SAMD5: variants seen among roughly 807,000 people sequenced by gnomAD.
SAMD5 encodes sterile alpha motif domain-containing protein 5.
A neutral mutation model predicts 11.3 loss-of-function variants in SAMD5; 13 were observed. The observed-to-expected ratio is 1.15, with a 90% confidence interval of 0.75 to 1.83. The LOEUF is 1.83. SAMD5 is among the 40% of genes most tolerant of loss of function. The pLI is 0.00. For synonymous variants in SAMD5, 129 were observed against 111.3 expected (o/e 1.16, Z -1.00); for missense variants, 255 against 239.1 (o/e 1.07, Z -0.44).
the SAMD5 span, among the ~76,000 whole-genome samples, chr6:147,749,174 T>G: frequency 1.3e-5 from 1 of 79,360 alleles, no homozygotes; most frequent in East Asian, 4.3e-4. Context: ...TTTGTTTTGT[T>G]TTTTTTTTTT....
rs919918858 is a variant in SAMD5, at chr6:147,613,496, CA to C, written c.162+104110del. ...TTCTCTTCCACTGCCACCTTGAGAC[CA>C]CTCTTTTTCTTCCCCTGATATCCTG... On this transcript the variant is annotated intron_variant, in intron 1 of 1. Coordinates refer to the SAMD5 transcript ENST00000566741. Among the ~76,000 whole-genome samples the C allele has an allele frequency of 5.1e-4, 77 of 151,754 alleles. 1 individual carries two copies. Among genetic ancestry groups the C allele is most frequent in the Non-Finnish European group, 1.5e-5 (1 of 67,916 alleles).
At chr6:147,858,239 T>C in the SAMD5 span, among the ~76,000 whole-genome samples, 1 of 152,166 alleles carries the variant, frequency 6.6e-6, no homozygotes, top group Admixed American at 6.6e-5. Flanking sequence ...ATATTGCCAT[T>C]GGTCAGTTAG....
chr6:147,794,658 A>T, the SAMD5 span, among the ~76,000 whole-genome samples: 3 of 152,146 alleles, frequency 2.0e-5, no homozygotes, highest in Admixed American at 2.0e-4. Flanking sequence ...TGAATGTTTG[A>T]TTATTCGAGT....
chr6:147,515,700 A>T (rs1788159949), intron 1 of SAMD5, among the ~76,000 whole-genome samples: 1 of 152,038 alleles, frequency 6.6e-6, no homozygotes, highest in South Asian at 2.1e-4. Flanking sequence ...GGAACTAGAC[A>T]GACATGGTCT....
chr6:147,939,823 T>TAA, the SAMD5 span, among the ~76,000 whole-genome samples: 15,180 of 151,590 alleles, frequency 0.1, 1,019 homozygotes, highest in South Asian at 0.28. Flanking sequence ...TTTTTTTTTT[T>TAA]AATTTTTTAG....
chr6:147,544,148 GATT>G (rs2128442312), intron 1 of SAMD5, among the ~76,000 whole-genome samples: 1 of 152,258 alleles, frequency 6.6e-6, no homozygotes, highest in Non-Finnish European at 1.5e-5. Flanking sequence ...TAGAAGATTT[GATT>G]TTAGTGAGCT....
intron 1 of SAMD5, among the ~76,000 whole-genome samples, chr6:147,539,134 A>G (rs1788560144): frequency 6.6e-6 from 1 of 152,222 alleles, no homozygotes; most frequent in Non-Finnish European, 1.5e-5. Flanking sequence ...ACAGATCCCC[A>G]AAATTAGGCG....
chr6:147,574,088 A>T (rs143942751), downstream of SAMD5, among the ~76,000 whole-genome samples: 783 of 152,032 alleles, frequency 5.2e-3, 2 homozygotes, highest in Non-Finnish European at 8.5e-3. Context: ...AGATCGCGCC[A>T]CTGCACTCCA....
the SAMD5 span, among the ~76,000 whole-genome samples, chr6:147,918,628 G>A: frequency 6.6e-6 from 1 of 150,586 alleles, no homozygotes; most frequent in African/African-American, 2.4e-5. Context: ...TCCTTAAGCT[G>A]ATAAGCAACT....
the SAMD5 span, among the ~76,000 whole-genome samples, chr6:147,859,812 A>T: frequency 1.3e-5 from 2 of 152,184 alleles, no homozygotes; most frequent in African/African-American, 2.4e-5. Flanking sequence ...CTAAAAATTT[A>T]TCTCTGGCAT....
intron 1 of SAMD5, among the ~76,000 whole-genome samples, chr6:147,551,639 T>C (rs138095895): frequency 6.6e-6 from 1 of 152,000 alleles, no homozygotes; most frequent in African/African-American, 2.4e-5. Flanking sequence ...TATAATGTAA[T>C]GTTGAATAGC....
intron 1 of SAMD5, among the ~76,000 whole-genome samples, chr6:147,542,990 A>T (rs1307630414): frequency 6.6e-6 from 1 of 152,224 alleles, no homozygotes; most frequent in Non-Finnish European, 1.5e-5. Flanking sequence ...AATCTCTTTC[A>T]CTATCTCAGT....
At chr6:147,593,518 A>T (rs1181563635) in intron 1 of SAMD5, among the ~76,000 whole-genome samples, 2 of 152,144 alleles carry the variant, frequency 1.3e-5, no homozygotes, top group Non-Finnish European at 2.9e-5. Flanking sequence ...TTTATAGCGA[A>T]TGTGTTGGAA....
the SAMD5 span, among the ~76,000 whole-genome samples, chr6:147,859,773 T>C: frequency 2.0e-5 from 3 of 152,056 alleles, no homozygotes; most frequent in African/African-American, 7.2e-5. Context: ...TTTGTTTTTG[T>C]TCTTGTTTTT....
At chr6:147,749,637 T>G in the SAMD5 span, among the ~76,000 whole-genome samples, 5 of 152,150 alleles carry the variant, frequency 3.3e-5, no homozygotes, top group Middle Eastern at 3.2e-3. Context: ...ATGACCGGGT[T>G]AGAGTGTATG....
the SAMD5 span, among the ~76,000 whole-genome samples, chr6:147,821,955 G>C: frequency 1.3e-5 from 2 of 152,046 alleles, no homozygotes; most frequent in Non-Finnish European, 2.9e-5. Context: ...TGAAGTAATA[G>C]AAACACATTT....
At chr6:147,530,562 T>A (rs1020882628) in intron 1 of SAMD5, among the ~76,000 whole-genome samples, 1 of 152,234 alleles carries the variant, frequency 6.6e-6, no homozygotes, top group Non-Finnish European at 1.5e-5. Context: ...AGTACCTGCC[T>A]CCTGAGCCAC....
At chr6:147,708,057 G>T in intron 1 of SAMD5, among the ~76,000 whole-genome samples, 1 of 152,092 alleles carries the variant, frequency 6.6e-6, no homozygotes, top group East Asian at 1.9e-4. Context: ...GTTATGGGCT[G>T]AATTGTGCCA....
At chr6:147,906,030 G>A in the SAMD5 span, among the ~76,000 whole-genome samples, 1 of 152,130 alleles carries the variant, frequency 6.6e-6, no homozygotes, top group Non-Finnish European at 1.5e-5. Context: ...AGTGGCCCTG[G>A]ACAGTTTATA....
Sources: allele counts gnomAD v4.1 joint callset (sites outside exome capture counted in the v4.1 genomes callset), GRCh38; gene constraint gnomAD v4.1.1; transcripts MANE v1.5; gene names NCBI Gene and HGNC (gene_info 2026-07-23, HGNC 2026-07-21).